Variants in DLGAP2 observed in about 807,000 individuals in gnomAD.
DLGAP2 encodes the protein disks large-associated protein 2.
Under a neutral mutation model 100.3 loss-of-function variants are expected in DLGAP2, and 26 were observed. The ratio of observed to expected loss-of-function variants is 0.26; its 90% confidence interval spans 0.19 to 0.36. The LOEUF is 0.36. Ranked by LOEUF, DLGAP2 falls within the 10% of genes least tolerant of loss-of-function variation. The pLI, the probability that DLGAP2 is intolerant of heterozygous loss-of-function variation, is 1.00. For synonymous variants in DLGAP2, 886 were observed against 630.1 expected, an observed-to-expected ratio of 1.41 and a Z score of -6.08; for missense variants, 1,858 against 1,453.2, an observed-to-expected ratio of 1.28 and a Z score of -4.53.
intron 1 of DLGAP2, among the ~76,000 whole-genome samples, chr8:828,375 G>T (rs1169924837): frequency 6.6e-6 from 1 of 152,130 alleles, no homozygotes; most frequent in East Asian, 1.9e-4. Flanking sequence ...TCTTTCTCAG[G>T]GACCTTCCAT....
intron 2 of DLGAP2, among the ~76,000 whole-genome samples, chr8:1,150,771 A>T (rs1349865530): frequency 2.0e-5 from 3 of 152,226 alleles, no homozygotes; most frequent in Non-Finnish European, 2.9e-5. Flanking sequence ...ACTCAAAAAC[A>T]TAGATGAGTT....
At chr8:1,440,069 C>T (rs1207086877) in intron 3 of DLGAP2, among the ~76,000 whole-genome samples, 1 of 152,162 alleles carries the variant, frequency 6.6e-6, no homozygotes, top group Non-Finnish European at 1.5e-5. Flanking sequence ...CCTCTGAGCT[C>T]AGCTACCTCT....
intron 6 of DLGAP2, among the ~76,000 whole-genome samples, chr8:1,616,537 A>G (rs1815333958): frequency 1.3e-5 from 2 of 152,222 alleles, no homozygotes; most frequent in African/African-American, 4.8e-5. Flanking sequence ...TTAGAAAATT[A>G]TGACTGCCTT....
At chr8:1,597,820 A>G (rs567095655) in intron 6 of DLGAP2, among the ~76,000 whole-genome samples, 1 of 152,298 alleles carries the variant, frequency 6.6e-6, no homozygotes, top group South Asian at 2.1e-4. Context: ...GCAAACAGAG[A>G]GAATTTGACT....
At chr8:1,233,649 T>C (rs1798583208) in intron 2 of DLGAP2, among the ~76,000 whole-genome samples, 1 of 152,108 alleles carries the variant, frequency 6.6e-6, no homozygotes, top group African/African-American at 2.4e-5. Context: ...TTGCTAAGCT[T>C]CGTTTGTGTT....
chr8:1,664,835 A>C (rs1290877510), intron 8 of DLGAP2, among the ~76,000 whole-genome samples: 1 of 152,334 alleles, frequency 6.6e-6, no homozygotes, highest in African/African-American at 2.4e-5. Context: ...TTTTCGTTTT[A>C]GTGGTTTTGA....
rs574603414 is a variant in DLGAP2 at position 1,125,161 on chromosome 8, A to G, written c.74-133690A>G. Among the ~76,000 whole-genome samples, 13 of 152,342 alleles carry G rather than the reference A, an allele frequency of 8.5e-5. No individual in the cohort carries two copies. The South Asian group carries it at 2.5e-3, about 29-fold the overall frequency. On this transcript the variant is annotated intron_variant, in intron 2 of 14. Coordinates refer to ENST00000637795, the MANE Select transcript of DLGAP2 (RefSeq NM_001346810.2). ...TTTAAATATTTCCCCGCTAGGATGC[A>G]TGGCCTTGCATTGACAAAATGAGAT...
intron 1 of DLGAP2, among the ~76,000 whole-genome samples, chr8:906,115 C>G (rs117314607): frequency 1.4e-4 from 22 of 152,324 alleles, no homozygotes; most frequent in Middle Eastern, 3.4e-3. Context: ...ATGGGCAGCC[C>G]CTCCTTAGGA....
chr8:1,279,437 A>G (rs1261211976), intron 3 of DLGAP2, among the ~76,000 whole-genome samples: 1 of 152,236 alleles, frequency 6.6e-6, no homozygotes, highest in Non-Finnish European at 1.5e-5. Context: ...TGTGTTCAAA[A>G]CTAAGCTTCA....
chr8:1,517,571 G>A (rs928678796), intron 4 of DLGAP2, among the ~76,000 whole-genome samples: 15 of 152,222 alleles, frequency 9.9e-5, no homozygotes, highest in Admixed American at 4.6e-4. Context: ...GCTCTCCTCC[G>A]AGTCAGTGCT....
At chr8:1,599,198 G>A (rs923767039) in intron 6 of DLGAP2, among the ~76,000 whole-genome samples, 18 of 152,162 alleles carry the variant, frequency 1.2e-4, no homozygotes, top group African/African-American at 4.1e-4. Context: ...TCTTAATCCT[G>A]AGTTCTAATT....
rs1181230841 is a variant in DLGAP2 at position 1,549,319 on chromosome 8, C to A, written c.866C>A (p.Pro289His). 6.2e-7 allele frequency: 1 copy of A among 1,612,986 alleles called. No homozygotes were observed. Among genetic ancestry groups the A allele is most frequent in the Non-Finnish European group, 8.5e-7 (1 of 1,179,674 alleles). The part of the protein sequence containing the change: ...KSKERKPEGK[P>H]RPGMSSWWSS... ...AAGGAGCGCAAGCCGGAGGGCAAGC[C>A]CCGGCCCGGCATGAGCAGCTGGTGG... The change falls in exon 5 of 15, where the codon CCC becomes CAC. Residue 289 changes from proline (P) to histidine (H), a missense_variant. By Grantham distance (77) the Pro-to-His change is moderately conservative (BLOSUM62 -2). Coordinates refer to ENST00000637795, the MANE Select transcript of DLGAP2 (RefSeq NM_001346810.2).
At chr8:1,164,922 A>G (rs577921641) in intron 2 of DLGAP2, among the ~76,000 whole-genome samples, 29 of 152,246 alleles carry the variant, frequency 1.9e-4, no homozygotes, top group African/African-American at 6.5e-4. Flanking sequence ...GCAAGATGCA[A>G]TCGTGGAAAA....
At chr8:1,636,532 T>A (rs1478376230) in intron 8 of DLGAP2, among the ~76,000 whole-genome samples, 1 of 152,258 alleles carries the variant, frequency 6.6e-6, no homozygotes, top group Non-Finnish European at 1.5e-5. Context: ...TGTTGCTTTT[T>A]TAAAATTTTA....
At chr8:1,641,255 C>G (rs1205594513) in intron 8 of DLGAP2, among the ~76,000 whole-genome samples, 2 of 152,182 alleles carry the variant, frequency 1.3e-5, no homozygotes, top group East Asian at 3.8e-4. Context: ...GCATCTGTAT[C>G]AGGAACTGCA....
intron 2 of DLGAP2, among the ~76,000 whole-genome samples, chr8:1,245,573 G>T (rs1038704987): frequency 6.6e-6 from 1 of 152,188 alleles, no homozygotes; most frequent in Non-Finnish European, 1.5e-5. Context: ...TGGTGGCCTG[G>T]GGCTGGGGGC....
chr8:1,446,134 G>A (rs1397416114), intron 3 of DLGAP2, among the ~76,000 whole-genome samples: 1 of 151,980 alleles, frequency 6.6e-6, no homozygotes, highest in Admixed American at 6.6e-5. Flanking sequence ...TGTTGCCATT[G>A]CTTTTGGTGT....
chr8:1,697,485 G>A (rs141226351), intron 14 of DLGAP2, among the ~76,000 whole-genome samples, 186 bp downstream of exon 14: 93 of 152,278 alleles, frequency 6.1e-4, no homozygotes, highest in African/African-American at 1.9e-3. Flanking sequence ...TGCATGTGCC[G>A]AAAATGGGGC....
In DLGAP2 at chr8:1,564,073, G is replaced by A. The variant is rs928817509; in HGVS notation, c.1231-1610G>A. On this transcript the variant is annotated intron_variant, in intron 5 of 14. Transcript: ENST00000637795. ...TTAGTTCCTTGACTACAGACTGTGG[G>A]TGATGAGCTAGTTGCTGTGGAAAGC... Among the ~76,000 whole-genome samples the A allele has an allele frequency of 3.9e-5, 6 of 152,174 alleles. No homozygotes were observed. In the East Asian group the frequency reaches 9.6e-4, roughly 24 times the overall value.
Sources: gnomAD v4.1 joint callset for allele counts (sites outside exome capture counted in the v4.1 genomes callset) on GRCh38, gnomAD v4.1.1 for gene constraint, MANE v1.5 for transcripts, NCBI Gene and HGNC (gene_info 2026-07-23, HGNC 2026-07-21) for gene names.